AFAP1: variants seen among roughly 807,000 people sequenced by gnomAD.
AFAP1 encodes the protein actin filament-associated protein 1.
In AFAP1, 75 loss-of-function variants were observed where a neutral mutation model predicts 93.9. The ratio of observed to expected loss-of-function variants is 0.80; its 90% CI spans 0.66 to 0.97. AFAP1 has a LOEUF of 0.97. Ranked by LOEUF, AFAP1 falls within the 50% of genes least tolerant of loss-of-function variation. The pLI is 0.00. For synonymous variants in AFAP1, 517 were observed against 430.7 expected (o/e 1.20, Z -2.48); for missense variants, 1,201 against 1,050.8 (o/e 1.14, Z -1.98).
At chr4:7,855,131 A>C (rs1275349706) in intron 4 of AFAP1, among the ~76,000 whole-genome samples, 1 of 152,248 alleles carries the variant, frequency 6.6e-6, no homozygotes, top group Non-Finnish European at 1.5e-5. Flanking sequence ...AGAGCATCAA[A>C]GACTAAGGAA....
Position 7,762,851 on chromosome 4 carries a change from C to T in AFAP1, c.*914G>A, listed in dbSNP as rs1172942022. The T allele has an allele frequency of 6.6e-6, 1 of 152,280 alleles. No individual in the cohort carries two copies. Among genetic ancestry groups the T allele is most frequent in the East Asian group, 1.9e-4 (1 of 5,184 alleles). The allele number at this position is 152,280 out of a possible 1,614,324, so 9.4% of individuals were successfully genotyped here. On this transcript the variant is annotated 3_prime_UTR_variant, in exon 18 of 18. Coordinates refer to ENST00000420658, the MANE Select transcript of AFAP1 (RefSeq NM_001134647.2). ...TGCCCTGGCCCCAAGCAGCAGTAAACGTCCTGTACAGCGGCGAGGAGCCAG... is the reference window on the plus strand; with the variant it reads ...TGCCCTGGCCCCAAGCAGCAGTAAATGTCCTGTACAGCGGCGAGGAGCCAG...
chr4:7,928,956 C>T (rs1720917617), intron 1 of AFAP1, among the ~76,000 whole-genome samples: 1 of 152,194 alleles, frequency 6.6e-6, no homozygotes, highest in Admixed American at 6.5e-5. Context: ...AGCCACAGCA[C>T]CTGGTTGCTG....
chr4:7,897,065 C>A (rs62290560), intron 1 of AFAP1, among the ~76,000 whole-genome samples: 59 of 152,036 alleles, frequency 3.9e-4, no homozygotes, highest in African/African-American at 1.4e-3. Context: ...CTATCCACTC[C>A]CAAGGTGATT....
intron 1 of AFAP1, among the ~76,000 whole-genome samples, chr4:7,886,177 G>A (rs35905776): frequency 0.11 from 16,526 of 152,248 alleles, 1,111 homozygotes; most frequent in Non-Finnish European, 0.16. Context: ...GGATGATTTT[G>A]AATACAAGTC....
At chr4:7,850,033 G>C (rs1262467125) in intron 4 of AFAP1, among the ~76,000 whole-genome samples, 1 of 152,092 alleles carries the variant, frequency 6.6e-6, no homozygotes, top group African/African-American at 2.4e-5. Context: ...GACGAACTTT[G>C]GCTTTAACTT....
intron 1 of AFAP1, among the ~76,000 whole-genome samples, chr4:7,902,928 T>C (rs1338505140): frequency 6.6e-6 from 1 of 152,224 alleles, no homozygotes; most frequent in East Asian, 1.9e-4. Context: ...TACACACCTA[T>C]GTGAAAAGCT....
intron 6 of AFAP1, among the ~76,000 whole-genome samples, chr4:7,822,586 C>CTTTTTTTTTTTTTT (rs5855982): frequency 1.5e-5 from 2 of 132,570 alleles, no homozygotes; most frequent in Admixed American, 7.7e-5. Context: ...TTTCTTTTTT[C>CTTTTTTTTTTTTTT]TTTTTTTTTT....
chr4:7,784,623 G>T (rs760098511), intron 12 of AFAP1, among the ~76,000 whole-genome samples: 5 of 152,120 alleles, frequency 3.3e-5, no homozygotes, highest in Non-Finnish European at 7.4e-5. Context: ...CTCCCCCACA[G>T]GAACCCCAGG....
intron 10 of AFAP1, among the ~76,000 whole-genome samples, chr4:7,799,838 G>A (rs1254212241): frequency 6.6e-6 from 1 of 152,172 alleles, no homozygotes; most frequent in Non-Finnish European, 1.5e-5. Context: ...CTGCTTTCAT[G>A]AGTAAGAAAT....
intron 10 of AFAP1, among the ~76,000 whole-genome samples, chr4:7,799,558 G>A (rs11727624): frequency 0.098 from 14,944 of 152,166 alleles, 1,257 homozygotes; most frequent in East Asian, 0.48. Context: ...ACATGAACTG[G>A]TTTCTATCGA....
intron 6 of AFAP1, among the ~76,000 whole-genome samples, chr4:7,829,694 A>G (rs537761520): frequency 6.6e-6 from 1 of 152,216 alleles, no homozygotes; most frequent in Admixed American, 6.5e-5. Flanking sequence ...AGACTAGCAA[A>G]AACTCACAAG....
chr4:7,921,662 C>T (rs1577361442), intron 1 of AFAP1, among the ~76,000 whole-genome samples: 1 of 152,206 alleles, frequency 6.6e-6, no homozygotes, highest in South Asian at 2.1e-4. Context: ...TTGGATCCTA[C>T]AATTCCATTT....
intron 4 of AFAP1, among the ~76,000 whole-genome samples, chr4:7,852,444 T>A (rs1714554020): frequency 6.6e-6 from 1 of 152,058 alleles, no homozygotes; most frequent in Admixed American, 6.5e-5. Context: ...GGACCCCAAT[T>A]GTGAGGAAGC....
At chr4:7,777,378 T>G (rs16841187) in intron 14 of AFAP1, 15,427 of 152,150 alleles carry the variant, frequency 0.1, 1,303 homozygotes, top group East Asian at 0.48. Flanking sequence ...AAAGCCTAGA[T>G]CAGGGATGTA....
rs1291240873 is a variant in AFAP1, at chr4:7,778,805, T to C, written c.1854A>G (p.Pro618=). The C allele has an allele frequency of 1.2e-6, 2 of 1,614,262 alleles. No individual in the cohort carries two copies. The highest frequency in any genetic ancestry group is 2.2e-5 in the East Asian group (1 of 44,884). Residue 618 remains proline, a synonymous_variant, in exon 14 of 18, where the codon CCA becomes CCG. Coordinates refer to ENST00000420658, the MANE Select transcript of AFAP1 (RefSeq NM_001134647.2). ...TGKGKTLSSQ[P]KKADPAAVVK... ...CAACAGCCGCGGGATCCGCTTTCTTTGGCTGACTGCTCAGAGTCTTCCCTT... is the reference window on the plus strand; with the variant it reads ...CAACAGCCGCGGGATCCGCTTTCTTCGGCTGACTGCTCAGAGTCTTCCCTT...
intron 2 of AFAP1, among the ~76,000 whole-genome samples, chr4:7,869,416 C>G (rs1050130392): frequency 4.6e-5 from 7 of 152,188 alleles, no homozygotes; most frequent in African/African-American, 1.7e-4. Context: ...GGACAGACAC[C>G]TTCCTGGGAA....
chr4:7,855,404 A>G (rs1366019564), intron 4 of AFAP1, 62 bp downstream of exon 4: 28 of 1,302,996 alleles, frequency 2.1e-5, no homozygotes, highest in Non-Finnish European at 2.8e-5. Context: ...GAAAGGGGAC[A>G]GGCTCTGCAA....
Position 7,763,047 on chromosome 4 carries a change from T to G in AFAP1, c.*718A>C, listed in dbSNP as rs1393403439. On this transcript the variant is annotated 3_prime_UTR_variant, in exon 18 of 18. Transcript: ENST00000420658. ...TAATTAATTAATAAAATAAGGAACC[T>G]CTGAAAACTCCTTGATCTAAGTGTG... 1.3e-5 allele frequency: 2 copies of G among 152,310 alleles called. No individual in the cohort carries two copies. Among genetic ancestry groups the G allele is most frequent in the Non-Finnish European group, 2.9e-5 (2 of 68,024 alleles). The allele number at this position is 152,310 out of a possible 1,614,324, so 9.4% of individuals were successfully genotyped here.
intron 1 of AFAP1, among the ~76,000 whole-genome samples, chr4:7,933,019 C>CAA (rs11369145): frequency 0.027 from 1,366 of 50,528 alleles, 93 homozygotes; most frequent in African/African-American, 0.099. Flanking sequence ...GACTCCCTCT[C>CAA]AAAAAAAAAA....
Sources: gnomAD v4.1 joint callset for allele counts (sites outside exome capture counted in the v4.1 genomes callset) on GRCh38, gnomAD v4.1.1 for gene constraint, MANE v1.5 for transcripts, NCBI Gene and HGNC (gene_info 2026-07-23, HGNC 2026-07-21) for gene names.